The following SSBP3 variants were observed in gnomAD, a reference collection of about 807,000 sequenced individuals.
SSBP3 encodes the protein single stranded DNA binding protein 3.
Under a neutral mutation model 69.6 loss-of-function variants are expected in SSBP3, and 5 were observed. The ratio of observed to expected loss-of-function variants is 0.07; its 90% CI spans 0.04 to 0.15. SSBP3 has a LOEUF of 0.15. Ranked by LOEUF, SSBP3 falls within the 10% of genes least tolerant of loss-of-function variation. SSBP3 has a pLI of 1.00. For missense variants in SSBP3, 312 were observed against 534.0 expected, an observed-to-expected ratio of 0.58 and a Z score of 4.10; for synonymous variants, 196 against 193.4, an observed-to-expected ratio of 1.01 and a Z score of -0.11.
intron 4 of SSBP3, among the ~76,000 whole-genome samples, chr1:54,365,644 C>T (rs562846311): frequency 6.6e-6 from 1 of 152,232 alleles, no homozygotes; most frequent in South Asian, 2.1e-4. Flanking sequence ...ATCCTAGGTA[C>T]TCCCTTGTCT....
At chr1:54,251,934 C>G in intron 7 of SSBP3, 74 bp from the exon 8 acceptor site, 1 of 1,285,710 alleles carries the variant, frequency 7.8e-7, no homozygotes, top group South Asian at 1.2e-5. Flanking sequence ...ATCTACCTGT[C>G]CCACCCAGTG....
At chr1:54,246,967 C>T (rs1040183682) in intron 9 of SSBP3, among the ~76,000 whole-genome samples, 3 of 152,240 alleles carry the variant, frequency 2.0e-5, no homozygotes, top group Non-Finnish European at 4.4e-5. Context: ...GTACAAGGGT[C>T]GGTTACCAAC....
At chr1:54,388,418 C>T (rs1385114037) in intron 4 of SSBP3, among the ~76,000 whole-genome samples, 1 of 152,190 alleles carries the variant, frequency 6.6e-6, no homozygotes, top group African/African-American at 2.4e-5. Flanking sequence ...GGATTAAATG[C>T]CATGCCCACA....
At position 54,355,173 on chromosome 1, in the gene SSBP3, G is replaced by T. The variant is rs182653191; in HGVS notation, c.276+46688C>A. Among the ~76,000 whole-genome samples, 52 of 152,346 alleles carry T rather than the reference G, an allele frequency of 3.4e-4. No homozygotes were observed. In the East Asian group the frequency reaches 9.4e-3, roughly 28 times the overall value. On this transcript the variant is annotated intron_variant, in intron 4 of 17. Transcript: ENST00000610401. ...ATGCGGCGTCCAACAAACGTCTGAT[G>T]AGAGAATGAATGAGACCAGGCACTC...
intron 4 of SSBP3, among the ~76,000 whole-genome samples, chr1:54,294,570 G>A (rs552080918): frequency 5.3e-5 from 8 of 152,302 alleles, no homozygotes; most frequent in African/African-American, 1.9e-4. Flanking sequence ...CACAGAGCTG[G>A]GGCCCTGTTC....
chr1:54,250,740 T>A (rs1570260265), intron 9 of SSBP3, among the ~76,000 whole-genome samples: 2 of 152,100 alleles, frequency 1.3e-5, no homozygotes, highest in Non-Finnish European at 2.9e-5. Flanking sequence ...GCTAGAGAAT[T>A]CCCAAGGTGG....
intron 5 of SSBP3, among the ~76,000 whole-genome samples, chr1:54,266,282 C>T (rs1041829889): frequency 6.6e-6 from 1 of 152,194 alleles, no homozygotes; most frequent in Non-Finnish European, 1.5e-5. Flanking sequence ...AGCACAAGGA[C>T]CCCAAGAGCA....
chr1:54,257,110 A>G lies in SSBP3; in HGVS notation c.507+17T>C, dbSNP rs767938732. ...ATGGCTGAGGGAGGGGAGAGAGAAC[A>G]TGAAAAGGTACAGTACCTGGTTTCC... On this transcript the variant is annotated intron_variant, in intron 7 of 17. Coordinates refer to ENST00000610401, the Ensembl canonical transcript of SSBP3. 1.3e-6 allele frequency: 2 copies of G among 1,597,018 alleles called. No individual in the cohort carries two copies. The highest frequency in any genetic ancestry group is 8.5e-7 in the Non-Finnish European group (1 of 1,174,132).
intron 4 of SSBP3, among the ~76,000 whole-genome samples, chr1:54,365,608 C>T (rs532140724): frequency 1.3e-5 from 2 of 152,240 alleles, no homozygotes; most frequent in East Asian, 3.9e-4. Context: ...ACTGGGTGGG[C>T]GTGGCCCAAC....
intron 4 of SSBP3, among the ~76,000 whole-genome samples, chr1:54,393,125 T>C (rs1287623573): frequency 1.3e-5 from 2 of 152,156 alleles, no homozygotes; most frequent in Non-Finnish European, 2.9e-5. Flanking sequence ...GAGAAGTCAC[T>C]AGGAGAGAAG....
At chr1:54,265,314 G>A (rs1470268013) in intron 5 of SSBP3, among the ~76,000 whole-genome samples, 1 of 152,132 alleles carries the variant, frequency 6.6e-6, no homozygotes, top group Non-Finnish European at 1.5e-5. Context: ...GGGTGTGGGT[G>A]TGTGTGTGTT....
chr1:54,268,832 A>G (rs1372635553), intron 5 of SSBP3, among the ~76,000 whole-genome samples: 1 of 152,216 alleles, frequency 6.6e-6, no homozygotes, highest in Non-Finnish European at 1.5e-5. Context: ...GGCAGGTGCA[A>G]CAATACCTGG....
intron 13 of SSBP3, 27 bp from the exon 14 acceptor site, chr1:54,239,226 CG>C: frequency 1.3e-6 from 2 of 1,568,542 alleles, no homozygotes; most frequent in Non-Finnish European, 1.7e-6. Flanking sequence ...ACCCACAAGT[CG>C]GGGTGATTAA....
chr1:54,350,304 A>C (rs182360883), intron 4 of SSBP3, among the ~76,000 whole-genome samples: 1 of 152,326 alleles, frequency 6.6e-6, no homozygotes, highest in Non-Finnish European at 1.5e-5. Context: ...GAGACAAAAC[A>C]CAAGAGCAGC....
chr1:54,290,281 T>A (rs1645579722), intron 4 of SSBP3, among the ~76,000 whole-genome samples: 1 of 152,210 alleles, frequency 6.6e-6, no homozygotes, highest in South Asian at 2.1e-4. Flanking sequence ...CCCCCTACCC[T>A]CTGTGGGGGG....
chr1:54,240,070 G>GTA (rs1644584506), intron 13 of SSBP3, among the ~76,000 whole-genome samples: 4 of 25,482 alleles, frequency 1.6e-4, no homozygotes, highest in Admixed American at 1.4e-3. Context: ...GTGTGTGTGT[G>GTA]TGTGTGTGTG....
intron 5 of SSBP3, among the ~76,000 whole-genome samples, chr1:54,265,189 G>T (rs1557475901): frequency 6.6e-6 from 1 of 152,190 alleles, no homozygotes; most frequent in Admixed American, 6.5e-5. Flanking sequence ...CTGACCAGAT[G>T]GGGGGAGGAA....
At chr1:54,226,766 T>G (rs1213590746) in exon 18 of SSBP3, 1 of 203,612 alleles carries the variant, frequency 4.9e-6, no homozygotes, top group African/African-American at 2.5e-5. Flanking sequence ...AAAACCCCCC[T>G]GAAAACAAAT....
intron 5 of SSBP3, among the ~76,000 whole-genome samples, chr1:54,280,493 T>C (rs759184556): frequency 3.7e-4 from 57 of 152,252 alleles, no homozygotes; most frequent in Non-Finnish European, 6.6e-4. Context: ...ACAACAGCTC[T>C]TTCCATGTTC....
Sources: allele counts gnomAD v4.1 joint callset (sites outside exome capture counted in the v4.1 genomes callset), GRCh38; gene constraint gnomAD v4.1.1; transcripts MANE v1.5; gene names NCBI Gene and HGNC (gene_info 2026-07-23, HGNC 2026-07-21).